ZNF423: variants seen among roughly 807,000 people sequenced by gnomAD.
ZNF423 encodes Ebf-associated zinc finger protein.
ZNF423 carries 12 observed loss-of-function variants against 95.8 expected under a neutral mutation model. That is an observed-to-expected ratio of 0.13 (90% CI 0.08 to 0.20). ZNF423 has a LOEUF of 0.20. Among genes scored for constraint, ZNF423 ranks in the 10% least tolerant of loss-of-function variants. ZNF423 has a pLI of 1.00. For missense variants in ZNF423, 1,316 were observed against 1,737.1 expected, an observed-to-expected ratio of 0.76 and a Z score of 4.31; for synonymous variants, 749 against 711.9, an observed-to-expected ratio of 1.05 and a Z score of -0.83.
At chr16:49,819,550 C>T (rs1191276846) in intron 1 of ZNF423, among the ~76,000 whole-genome samples, 1 of 151,988 alleles carries the variant, frequency 6.6e-6, no homozygotes, top group Non-Finnish European at 1.5e-5. Flanking sequence ...TAGGTTCAAG[C>T]GATTCTCCCT....
intron 2 of ZNF423, among the ~76,000 whole-genome samples, chr16:49,778,620 G>A (rs1241370261): frequency 6.7e-6 from 1 of 150,186 alleles, no homozygotes; most frequent in Non-Finnish European, 1.5e-5. Flanking sequence ...TACAGACTCA[G>A]TTCCACCCCA....
At chr16:49,600,274 C>G (rs1055412344) in intron 5 of ZNF423, among the ~76,000 whole-genome samples, 4 of 151,786 alleles carry the variant, frequency 2.6e-5, no homozygotes. Context: ...GAGCTGAGAT[C>G]GCGCCACAGC....
chr16:49,576,824 T>C (rs1014308316), intron 5 of ZNF423, among the ~76,000 whole-genome samples: 2 of 152,334 alleles, frequency 1.3e-5, no homozygotes, highest in East Asian at 3.9e-4. Flanking sequence ...TGATAAGGAA[T>C]AGATGCGCAT....
intron 3 of ZNF423, among the ~76,000 whole-genome samples, chr16:49,683,926 C>T (rs746222604): frequency 7.2e-5 from 11 of 152,230 alleles, no homozygotes; most frequent in Non-Finnish European, 1.2e-4. Flanking sequence ...TAAAAATTAG[C>T]CAGGCTTAGT....
intron 3 of ZNF423, among the ~76,000 whole-genome samples, chr16:49,697,364 C>T (rs1379070402): frequency 1.3e-5 from 2 of 152,116 alleles, no homozygotes; most frequent in Non-Finnish European, 2.9e-5. Flanking sequence ...TTAAAAGTCC[C>T]TCTGGCTTAT....
intron 2 of ZNF423, among the ~76,000 whole-genome samples, chr16:49,747,342 CTAAAGA>C (rs2033547473): frequency 1.3e-5 from 2 of 151,714 alleles, no homozygotes; most frequent in South Asian, 4.2e-4. Flanking sequence ...AAGCAAGTTG[CTAAAGA>C]TAAACTATCT....
Position 49,806,560 on chromosome 16 carries a change from T to C in ZNF423, c.41-17014A>G, listed in dbSNP as rs957474554. ...AAATGTCAGTTCCTGGTTATACATG[T>C]GGTTTATTTTAAACACGAGCAGAGG... On this transcript the variant is annotated intron_variant, in intron 1 of 7. Coordinates refer to ENST00000563137, the MANE Select transcript of ZNF423 (RefSeq NM_001379286.1). 2.6e-5 allele frequency among the ~76,000 whole-genome samples: 4 copies of C among 152,240 alleles called. No homozygotes were observed. The South Asian group carries it at 6.2e-4, about 24-fold the overall frequency.
intron 1 of ZNF423, among the ~76,000 whole-genome samples, chr16:49,829,132 T>C (rs981872144): frequency 6.6e-6 from 1 of 152,224 alleles, no homozygotes; most frequent in African/African-American, 2.4e-5. Flanking sequence ...TCAAGCCGGC[T>C]ATTCCAGGCA....
At chr16:49,577,204 G>A (rs1005981544) in intron 5 of ZNF423, among the ~76,000 whole-genome samples, 9 of 152,198 alleles carry the variant, frequency 5.9e-5, no homozygotes, top group South Asian at 2.1e-4. Context: ...ATGGGAAAGA[G>A]TTGTAGGAAA....
intron 2 of ZNF423, among the ~76,000 whole-genome samples, chr16:49,782,455 C>A (rs539708167): frequency 1.3e-5 from 2 of 152,360 alleles, no homozygotes; most frequent in African/African-American, 4.8e-5. Flanking sequence ...GCAAGAAGAC[C>A]TGTCCCATGG....
intron 5 of ZNF423, among the ~76,000 whole-genome samples, chr16:49,594,533 A>G (rs946014856): frequency 6.6e-6 from 1 of 152,212 alleles, no homozygotes; most frequent in Admixed American, 6.5e-5. Flanking sequence ...ACAGGAATAT[A>G]GAGACATACA....
chr16:49,700,547 G>A (rs2032144405), intron 3 of ZNF423, among the ~76,000 whole-genome samples: 1 of 152,232 alleles, frequency 6.6e-6, no homozygotes. Context: ...TTGGCACTGG[G>A]GAGGAAAATC....
chr16:49,606,727 A>G (rs1971548419), intron 5 of ZNF423, among the ~76,000 whole-genome samples: 2 of 152,344 alleles, frequency 1.3e-5, no homozygotes, highest in South Asian at 4.1e-4. Context: ...AACAGTGATC[A>G]CAGGGGCCCT....
upstream of ZNF423, chr16:49,856,199 C>T (rs1345251626): frequency 2.2e-5 from 3 of 137,308 alleles, no homozygotes; most frequent in African/African-American, 8.1e-5. Context: ...GCGGCCCCCT[C>T]CTTCCCTCCC....
At position 49,707,726 on chromosome 16, in the gene ZNF423, C is replaced by T. The variant is rs539631954; in HGVS notation, c.301+23045G>A. ...CTTGATAAAATTTACGTATTATTTA[C>T]TTATGCATCCTCTAATGCTTTAAAA... On this transcript the variant is annotated intron_variant, in intron 3 of 7. Transcript: ENST00000563137. 1.3e-3 allele frequency among the ~76,000 whole-genome samples: 196 copies of T among 151,950 alleles called. 1 individual carries two copies. The highest frequency in any genetic ancestry group is 3.3e-3 in the Admixed American group (51 of 15,266).
At chr16:49,602,655 G>T (rs1210231999) in intron 5 of ZNF423, among the ~76,000 whole-genome samples, 1 of 152,192 alleles carries the variant, frequency 6.6e-6, no homozygotes, top group Non-Finnish European at 1.5e-5. Context: ...GCTGGGTGTG[G>T]ACCAAATTCC....
intron 3 of ZNF423, among the ~76,000 whole-genome samples, chr16:49,671,800 T>C (rs2030824815): frequency 6.6e-6 from 1 of 152,180 alleles, no homozygotes; most frequent in Admixed American, 6.5e-5. Flanking sequence ...TTCTCATGCC[T>C]TAGCCTCCTG....
intron 5 of ZNF423, among the ~76,000 whole-genome samples, chr16:49,606,316 T>TGGAC (rs1971535805): frequency 4.0e-5 from 6 of 151,776 alleles, no homozygotes; most frequent in Admixed American, 3.9e-4. Context: ...AGACACACGC[T>TGGAC]GGACCTAGAG....
intron 3 of ZNF423, among the ~76,000 whole-genome samples, chr16:49,703,055 C>G (rs1396953056): frequency 1.3e-5 from 2 of 152,196 alleles, no homozygotes; most frequent in Non-Finnish European, 2.9e-5. Flanking sequence ...AACACATGCA[C>G]CAACACAGGC....
Sources: gnomAD v4.1 joint callset for allele counts (sites outside exome capture counted in the v4.1 genomes callset) on GRCh38, gnomAD v4.1.1 for gene constraint, MANE v1.5 for transcripts, NCBI Gene and HGNC (gene_info 2026-07-23, HGNC 2026-07-21) for gene names.